STAG1: variants seen among roughly 807,000 people sequenced by gnomAD.
STAG1 encodes cohesin subunit SA-1.
STAG1 carries 26 observed loss-of-function variants against 170.9 expected under a neutral mutation model. The observed-to-expected ratio is 0.15, with a 90% confidence interval of 0.11 to 0.21. The LOEUF (loss-of-function observed/expected upper bound fraction) is 0.21. Among genes scored for constraint, STAG1 ranks in the 10% least tolerant of loss-of-function variants. STAG1 has a pLI of 1.00. For synonymous variants in STAG1, 514 were observed against 497.7 expected (o/e 1.03, Z -0.44); for missense variants, 964 against 1,509.5 (o/e 0.64, Z 5.99).
intron 11 of STAG1, 51 bp from the exon 12 acceptor site, chr3:136,472,543 G>A (rs2089652325): frequency 1.6e-6 from 2 of 1,275,098 alleles, no homozygotes; most frequent in East Asian, 4.6e-5. Context: ...AAAATAAGCT[G>A]GGACAGATCT....
chr3:136,684,132 C>T (rs1325486659), intron 1 of STAG1, among the ~76,000 whole-genome samples: 1 of 152,102 alleles, frequency 6.6e-6, no homozygotes, highest in Non-Finnish European at 1.5e-5. Flanking sequence ...CAACATAATC[C>T]CAACCAAAAT....
At chr3:136,622,904 T>C (rs1477991282) in intron 3 of STAG1, among the ~76,000 whole-genome samples, 1 of 152,214 alleles carries the variant, frequency 6.6e-6, no homozygotes, top group Non-Finnish European at 1.5e-5. Flanking sequence ...TGACCTTCTC[T>C]ATGCCTTCAC....
At chr3:136,355,513 A>G (rs1254424759) in intron 28 of STAG1, among the ~76,000 whole-genome samples, 1 of 152,138 alleles carries the variant, frequency 6.6e-6, no homozygotes, top group Non-Finnish European at 1.5e-5. Flanking sequence ...AGGACAACTA[A>G]GCAAAAGATT....
intron 26 of STAG1, among the ~76,000 whole-genome samples, chr3:136,361,149 A>G (rs745412559): frequency 2.0e-5 from 3 of 152,236 alleles, no homozygotes; most frequent in Non-Finnish European, 4.4e-5. Context: ...ACCAGTGTTT[A>G]AAGTCTGAAA....
At chr3:136,357,626 G>A in intron 28 of STAG1, 94 bp downstream of exon 28, 1 of 954,302 alleles carries the variant, frequency 1.0e-6, no homozygotes, top group Non-Finnish European at 1.5e-6. Flanking sequence ...ATTATCAAGA[G>A]TAAAGATATC....
intron 22 of STAG1, among the ~76,000 whole-genome samples, chr3:136,391,440 A>C (rs757850861): frequency 2.0e-5 from 3 of 146,946 alleles, no homozygotes; most frequent in Admixed American, 1.4e-4. Context: ...GCAGTGGCAT[A>C]ATCTTGGCTC....
chr3:136,377,103 A>G (rs1245376559), intron 23 of STAG1, among the ~76,000 whole-genome samples: 2 of 149,736 alleles, frequency 1.3e-5, no homozygotes, highest in East Asian at 4.1e-4. Context: ...TTAGGAGTCA[A>G]AAAGTCTACA....
intron 26 of STAG1, among the ~76,000 whole-genome samples, chr3:136,359,611 C>T (rs1936782142): frequency 6.6e-6 from 1 of 152,144 alleles, no homozygotes; most frequent in African/African-American, 2.4e-5. Context: ...CTCACTGCAA[C>T]CTCCACCTCC....
intron 1 of STAG1, among the ~76,000 whole-genome samples, chr3:136,671,221 C>G (rs1197371498): frequency 6.6e-6 from 1 of 152,066 alleles, no homozygotes; most frequent in Non-Finnish European, 1.5e-5. Flanking sequence ...GAGGTGGAGG[C>G]TGCAGTGAGC....
chr3:136,736,638 C>T (rs1201785742), intron 1 of STAG1: 8 of 1,603,856 alleles, frequency 5.0e-6, no homozygotes, highest in East Asian at 2.2e-5. Context: ...CTGCCACTCT[C>T]TTTCCCGTTT....
At chr3:136,439,409 C>A (rs914672961) in intron 15 of STAG1, among the ~76,000 whole-genome samples, 3 of 135,168 alleles carry the variant, frequency 2.2e-5, no homozygotes, top group African/African-American at 8.5e-5. Context: ...CACACACACA[C>A]ACACACACAC....
intron 1 of STAG1, among the ~76,000 whole-genome samples, chr3:136,650,520 G>C (rs1203784141): frequency 1.3e-5 from 2 of 152,118 alleles, no homozygotes; most frequent in African/African-American, 2.4e-5. Flanking sequence ...TAACTAGTTA[G>C]TAACACACTG....
rs190831426 is a variant in STAG1 at position 136,357,169 on chromosome 3, T to A, written c.3065+551A>T. On this transcript the variant is annotated intron_variant, in intron 28 of 33. Coordinates refer to ENST00000383202, the MANE Select transcript of STAG1 (RefSeq NM_005862.3). The stretch of plus-strand genomic sequence containing the variant: ...TTCACCGTGTTAGCCAGGATGGTCT[T>A]GATCTTCTGACCTTGTGATCCGCCC... Among the ~76,000 whole-genome samples the A allele has an allele frequency of 1.9e-3, 286 of 152,126 alleles. 7 individuals are homozygous for A. The East Asian group carries it at 0.045, about 24-fold the overall frequency.
At chr3:136,556,417 TA>T (rs1307791811) in intron 5 of STAG1, among the ~76,000 whole-genome samples, 1 of 152,182 alleles carries the variant, frequency 6.6e-6, no homozygotes, top group Non-Finnish European at 1.5e-5. Flanking sequence ...GAGATGCTGC[TA>T]AATGTCCTAC....
chr3:136,448,729 A>C (rs2088854506), intron 14 of STAG1, among the ~76,000 whole-genome samples: 2 of 152,202 alleles, frequency 1.3e-5, no homozygotes, highest in South Asian at 4.1e-4. Context: ...ACCTGAGGTC[A>C]GGAGTTCAAG....
chr3:136,391,017 G>T (rs972840989), intron 22 of STAG1, among the ~76,000 whole-genome samples: 19 of 152,182 alleles, frequency 1.2e-4, no homozygotes, highest in African/African-American at 4.6e-4. Flanking sequence ...CAGTCTGTTT[G>T]CAGGTCAACA....
At chr3:136,412,561 A>G (rs965888522) in intron 21 of STAG1, among the ~76,000 whole-genome samples, 1 of 152,258 alleles carries the variant, frequency 6.6e-6, no homozygotes, top group African/African-American at 2.4e-5. Context: ...TGAATAATGA[A>G]CAAACTGACA....
chr3:136,586,762 G>A, intron 4 of STAG1: 1 of 443,414 alleles, frequency 2.3e-6, no homozygotes, highest in Admixed American at 2.4e-5. Flanking sequence ...CTAACATGGG[G>A]AAGCAAGCAT....
At chr3:136,524,727 TG>T (rs144037973) in intron 6 of STAG1, among the ~76,000 whole-genome samples, 26,748 of 152,196 alleles carry the variant, frequency 0.18, 2,887 homozygotes, top group Non-Finnish European at 0.24. Context: ...ATACTGGCTG[TG>T]GGTTTGTCAT....
Sources: allele counts gnomAD v4.1 joint callset (sites outside exome capture counted in the v4.1 genomes callset), GRCh38; gene constraint gnomAD v4.1.1; transcripts MANE v1.5; gene names NCBI Gene and HGNC (gene_info 2026-07-23, HGNC 2026-07-21).